The following ERG variants were observed in gnomAD, a reference collection of about 807,000 sequenced individuals.
The protein encoded by ERG is transcriptional regulator ERG.
A neutral mutation model predicts 55.3 loss-of-function variants in ERG; 9 were observed. The ratio of observed to expected loss-of-function variants is 0.16; its 90% CI spans 0.10 to 0.28. ERG has a LOEUF of 0.28. Ranked by LOEUF, ERG falls within the 10% of genes least tolerant of loss-of-function variation. ERG has a pLI of 1.00. For missense variants in ERG, 434 were observed against 631.6 expected (o/e 0.69, Z 3.35); for synonymous variants, 223 against 237.3 (o/e 0.94, Z 0.55).
chr21:38,577,707 C>T lies in ERG; in HGVS notation c.-126-1960G>A, dbSNP rs59296604. Among the ~76,000 whole-genome samples the T allele has an allele frequency of 7.8e-3, 1,186 of 152,304 alleles. 12 individuals carry two copies. The highest frequency in any genetic ancestry group is 0.027 in the African/African-American group (1,141 of 41,558). On this transcript the variant is annotated intron_variant, in intron 1 of 8. Transcript: ENST00000398897. ...ACTCTGCTCCTGGGGTCATTCAGCCCGGAAGGGGAGCGTCTGCAAGCCATC... is the reference window on the plus strand; with the variant it reads ...ACTCTGCTCCTGGGGTCATTCAGCCTGGAAGGGGAGCGTCTGCAAGCCATC...
intron 1 of ERG, among the ~76,000 whole-genome samples, chr21:38,590,066 A>G (rs1279045542): frequency 6.6e-6 from 1 of 152,216 alleles, no homozygotes; most frequent in Non-Finnish European, 1.5e-5. Context: ...AGATCTCCAT[A>G]CTTACAACAC....
At chr21:38,636,289 A>C (rs1372635244) in intron 1 of ERG, among the ~76,000 whole-genome samples, 2 of 152,334 alleles carry the variant, frequency 1.3e-5, no homozygotes, top group East Asian at 1.9e-4. Context: ...TTATGTACTT[A>C]TAGGAGCCTA....
intron 2 of ERG, among the ~76,000 whole-genome samples, chr21:38,441,170 A>G (rs1047096627): frequency 2.0e-5 from 3 of 152,202 alleles, no homozygotes; most frequent in Non-Finnish European, 4.4e-5. Flanking sequence ...ACAATGGGTC[A>G]CCAGTCACTG....
At chr21:38,447,852 T>A in intron 1 of ERG, among the ~76,000 whole-genome samples, 1 of 152,118 alleles carries the variant, frequency 6.6e-6, no homozygotes, top group East Asian at 1.9e-4. Flanking sequence ...ATGTTAGCTT[T>A]GGCTCACCCA....
chr21:38,421,262 A>T (rs57616983), intron 3 of ERG, among the ~76,000 whole-genome samples: 7,895 of 152,166 alleles, frequency 0.052, 658 homozygotes, highest in African/African-American at 0.18. Context: ...AATACTAAGG[A>T]CGGTTTTCTC....
At chr21:38,462,660 G>A (rs185391824) in intron 1 of ERG, among the ~76,000 whole-genome samples, 1 of 152,312 alleles carries the variant, frequency 6.6e-6, no homozygotes, top group African/African-American at 2.4e-5. Context: ...ACTGCACATG[G>A]TGATATGTTA....
At position 38,446,845 on chromosome 21, in the gene ERG, A is replaced by T. The variant is rs147914380; in HGVS notation, c.19-1224T>A. ...TTGAATGAGCTGGCCATGATCAACC[A>T]GGGGATTAGTGATGGGAATGACTTG... On this transcript the variant is annotated intron_variant, in intron 1 of 9. Coordinates refer to ENST00000288319, the MANE Select transcript of ERG (RefSeq NM_182918.4). 4.9e-3 allele frequency among the ~76,000 whole-genome samples: 753 copies of T among 152,288 alleles called. 5 individuals are homozygous for T. Among genetic ancestry groups the T allele is most frequent in the African/African-American group, 0.017 (717 of 41,582 alleles).
At chr21:38,589,398 C>T (rs1463667577), upstream of ERG, among the ~76,000 whole-genome samples, 1 of 152,186 alleles carries the variant, frequency 6.6e-6, no homozygotes, top group Non-Finnish European at 1.5e-5. Flanking sequence ...AACTGGCTGC[C>T]CTTCCTCCCT....
At chr21:38,448,485 T>C (rs8133240) in intron 1 of ERG, among the ~76,000 whole-genome samples, 77,227 of 152,044 alleles carry the variant, frequency 0.51, 20,246 homozygotes, top group East Asian at 0.72. Flanking sequence ...CAACCCAAAC[T>C]ATGCCCCAAA....
At chr21:38,600,568 C>T (rs1351015031) in intron 1 of ERG, among the ~76,000 whole-genome samples, 1 of 152,212 alleles carries the variant, frequency 6.6e-6, no homozygotes, top group Non-Finnish European at 1.5e-5. Flanking sequence ...TAGAATCCAA[C>T]ATCACATGGA....
At chr21:38,425,142 G>C (rs1489983079) in intron 2 of ERG, among the ~76,000 whole-genome samples, 2 of 152,192 alleles carry the variant, frequency 1.3e-5, no homozygotes, top group African/African-American at 4.8e-5. Context: ...CCAGCATTTT[G>C]GGAGGCCGAG....
chr21:38,526,670 T>A (rs1178054266), intron 2 of ERG, among the ~76,000 whole-genome samples: 1 of 152,154 alleles, frequency 6.6e-6, no homozygotes, highest in Non-Finnish European at 1.5e-5. Flanking sequence ...TCCCCCAAAA[T>A]GTCCATAGAT....
intron 3 of ERG, among the ~76,000 whole-genome samples, chr21:38,408,294 A>G (rs1430178637): frequency 6.6e-6 from 1 of 152,182 alleles, no homozygotes; most frequent in Non-Finnish European, 1.5e-5. Context: ...CCTTTGTTCC[A>G]TGGGTGTCAT....
chr21:38,660,908 C>G (rs1246284505), intron 1 of ERG, among the ~76,000 whole-genome samples: 1 of 151,960 alleles, frequency 6.6e-6, no homozygotes, highest in Non-Finnish European at 1.5e-5. Flanking sequence ...TGCGCGCGCC[C>G]TCGGGGCCAA....
chr21:38,485,563 G>C (rs2059276392), intron 1 of ERG, among the ~76,000 whole-genome samples: 1 of 151,348 alleles, frequency 6.6e-6, no homozygotes, highest in Admixed American at 6.6e-5. Flanking sequence ...TGGTTCAAGG[G>C]ATTCTCCTCC....
At chr21:38,551,911 T>C (rs12482179) in intron 2 of ERG, among the ~76,000 whole-genome samples, 76,663 of 151,818 alleles carry the variant, frequency 0.5, 20,665 homozygotes, top group Non-Finnish European at 0.62. Context: ...TTTTCTGCCT[T>C]GATGATCTAT....
chr21:38,540,969 C>T (rs2059747677), intron 2 of ERG, among the ~76,000 whole-genome samples: 1 of 152,130 alleles, frequency 6.6e-6, no homozygotes, highest in Non-Finnish European at 1.5e-5. Flanking sequence ...CTTGCTTTAG[C>T]TCTGCCTTTG....
chr21:38,641,135 C>T (rs460843), intron 1 of ERG, among the ~76,000 whole-genome samples: 123,842 of 152,136 alleles, frequency 0.81, 50,837 homozygotes, highest in African/African-American at 0.93. Context: ...CACCAGTTTG[C>T]TTCCTCCCAA....
intron 7 of ERG, among the ~76,000 whole-genome samples, chr21:38,392,154 A>G (rs141151961): frequency 6.6e-6 from 1 of 152,358 alleles, no homozygotes; most frequent in African/African-American, 2.4e-5. Context: ...GAAGGTTGAC[A>G]TACACTACAT....
Sources: gnomAD v4.1 joint callset for allele counts (sites outside exome capture counted in the v4.1 genomes callset) on GRCh38, gnomAD v4.1.1 for gene constraint, MANE v1.5 for transcripts, NCBI Gene and HGNC (gene_info 2026-07-23, HGNC 2026-07-21) for gene names.